Variants in FMN2 observed in about 807,000 individuals in gnomAD.
FMN2 encodes formin 2.
A neutral mutation model predicts 142.3 loss-of-function variants in FMN2; 51 were observed. The ratio of observed to expected loss-of-function variants is 0.36; its 90% confidence interval spans 0.29 to 0.45. The LOEUF (loss-of-function observed/expected upper bound fraction) is 0.45, where lower values mean the gene tolerates loss of function less well. Ranked by LOEUF, FMN2 falls within the 20% of genes least tolerant of loss-of-function variation. The pLI is 1.00. For synonymous variants in FMN2, 882 were observed against 869.8 expected (o/e 1.01, Z -0.25); for missense variants, 1,936 against 2,122.8 (o/e 0.91, Z 1.73).
At chr1:240,280,321 GT>G (rs1669354091) in intron 7 of FMN2, among the ~76,000 whole-genome samples, 1 of 151,910 alleles carries the variant, frequency 6.6e-6, no homozygotes, top group South Asian at 2.1e-4. Context: ...TCTGTTTTAG[GT>G]TTCTTTCAGT....
chr1:240,266,521 T>C lies in FMN2; in HGVS notation c.4153+8489T>C, dbSNP rs116619468. On this transcript the variant is annotated intron_variant, in intron 7 of 17. Coordinates refer to ENST00000319653, the MANE Select transcript of FMN2 (RefSeq NM_020066.5). The stretch of plus-strand genomic sequence containing the variant: ...CTTACATAGCCTCCAGCTGCATCCA[T>C]GTTACTGCAAAGGACATGATTTTGT... Among the ~76,000 whole-genome samples, 292 of 152,190 alleles carry C rather than the reference T, an allele frequency of 1.9e-3. 1 individual carries two copies. Among genetic ancestry groups the C allele is most frequent in the African/African-American group, 6.8e-3 (281 of 41,548 alleles).
At chr1:240,305,864 T>A (rs1670370875) in intron 8 of FMN2, among the ~76,000 whole-genome samples, 1 of 152,178 alleles carries the variant, frequency 6.6e-6, no homozygotes, top group South Asian at 2.1e-4. Flanking sequence ...GCATCATTAT[T>A]GTAATAGGAT....
At chr1:240,278,183 C>T (rs146147758) in intron 7 of FMN2, among the ~76,000 whole-genome samples, 10 of 152,250 alleles carry the variant, frequency 6.6e-5, no homozygotes, top group Non-Finnish European at 1.0e-4. Context: ...GCATTTGGGG[C>T]TCCTGGCCTC....
At chr1:240,384,984 A>G (rs1159098225) in intron 14 of FMN2, among the ~76,000 whole-genome samples, 1 of 152,220 alleles carries the variant, frequency 6.6e-6, no homozygotes, top group Non-Finnish European at 1.5e-5. Flanking sequence ...CTTAAAGGAA[A>G]AAACTATGTA....
intron 16 of FMN2, among the ~76,000 whole-genome samples, chr1:240,470,677 G>C (rs1489446919): frequency 6.6e-6 from 1 of 151,988 alleles, no homozygotes; most frequent in Admixed American, 6.6e-5. Context: ...CAGGAAATTA[G>C]GCTATAAGGT....
Position 240,475,103 on chromosome 1 carries a change from T to G in FMN2, c.*949T>G, listed in dbSNP as rs1414579611. On this transcript the variant is annotated 3_prime_UTR_variant, in exon 18 of 18. Transcript: ENST00000319653. ...AAAGATCGCTATGTGCAATACTGTA[T>G]TTAGTGTTTCTATTTCAATTTTTCT... 1 of 152,572 alleles carries G rather than the reference T, an allele frequency of 6.6e-6. No homozygotes were observed. The highest frequency in any genetic ancestry group is 1.9e-4 in the East Asian group (1 of 5,198). 9.5% of individuals were successfully genotyped at this position (152,572 alleles called of 1,614,324 possible). A position where few individuals can be genotyped will look rare whatever the true frequency, so the allele number is the denominator to read the frequency against.
chr1:240,097,378 CAG>C (rs1661239034), intron 1 of FMN2, among the ~76,000 whole-genome samples: 1 of 143,858 alleles, frequency 7.0e-6, no homozygotes, highest in Admixed American at 7.1e-5. Flanking sequence ...TTTTTTGAGA[CAG>C]AGTCTCGCTC....
chr1:240,439,988 T>A (rs141989833), intron 16 of FMN2, among the ~76,000 whole-genome samples: 1 of 152,256 alleles, frequency 6.6e-6, no homozygotes, highest in Non-Finnish European at 1.5e-5. Flanking sequence ...GTGTTTCCCC[T>A]TGCGCGATTA....
intron 3 of FMN2, among the ~76,000 whole-genome samples, chr1:240,186,385 A>G (rs1344491603): frequency 6.6e-6 from 1 of 152,118 alleles, no homozygotes; most frequent in African/African-American, 2.4e-5. Flanking sequence ...TGGGGGACAC[A>G]ACAAGAGGAA....
intron 7 of FMN2, among the ~76,000 whole-genome samples, chr1:240,272,949 G>A (rs1299743499): frequency 6.6e-6 from 1 of 152,086 alleles, no homozygotes; most frequent in East Asian, 1.9e-4. Flanking sequence ...TGTATAGAAA[G>A]GCCTATAATG....
intron 2 of FMN2, among the ~76,000 whole-genome samples, chr1:240,173,140 TG>T (rs1428239797): frequency 6.6e-6 from 1 of 152,120 alleles, no homozygotes; most frequent in African/African-American, 2.4e-5. Flanking sequence ...TTCAACATGT[TG>T]GCCAGGCTGG....
intron 1 of FMN2, among the ~76,000 whole-genome samples, chr1:240,097,146 T>A (rs1330076212): frequency 1.3e-5 from 2 of 151,994 alleles, no homozygotes; most frequent in South Asian, 2.1e-4. Context: ...TCTTTTTTTT[T>A]AAACACATGG....
chr1:240,450,765 C>T (rs966298043), intron 16 of FMN2, among the ~76,000 whole-genome samples: 1 of 152,224 alleles, frequency 6.6e-6, no homozygotes, highest in Non-Finnish European at 1.5e-5. Flanking sequence ...TGATTTAAAA[C>T]TTGATGCTGA....
chr1:240,331,251 T>A (rs1220592609), intron 11 of FMN2, among the ~76,000 whole-genome samples: 1 of 152,174 alleles, frequency 6.6e-6, no homozygotes. Flanking sequence ...CATATGATTT[T>A]CTCCTTGATA....
At chr1:240,425,270 G>A (rs1674900456) in intron 15 of FMN2, among the ~76,000 whole-genome samples, 2 of 151,162 alleles carry the variant, frequency 1.3e-5, no homozygotes, top group Non-Finnish European at 2.9e-5. Context: ...ATTCCAGGCA[G>A]ATGAAAAACA....
chr1:240,147,311 C>T (rs1044471385), intron 2 of FMN2, among the ~76,000 whole-genome samples: 4 of 152,166 alleles, frequency 2.6e-5, no homozygotes, highest in Non-Finnish European at 4.4e-5. Context: ...CGAAGGCTGA[C>T]TCTACATCTT....
Position 240,208,114 on chromosome 1 carries a change from C to A in FMN2, c.3302C>A (p.Pro1101His). The A allele has an allele frequency of 8.4e-7, 1 of 1,189,030 alleles. No homozygotes were observed. The highest frequency in any genetic ancestry group is 1.2e-6 in the Non-Finnish European group (1 of 840,848). 73.7% of individuals were successfully genotyped at this position (1,189,030 alleles called of 1,614,324 possible). A position where few individuals can be genotyped will look rare whatever the true frequency, so the allele number is the denominator to read the frequency against. Residue 1101 changes from proline (P) to histidine (H), a missense_variant, in exon 5 of 18, where the codon CCT becomes CAT. Pro to His is a moderately conservative substitution (Grantham distance 77). Around this residue, in one of 8 missense-constraint regions of FMN2, gnomAD observed 56 missense variants for 111.8 expected, o/e 0.50. Coordinates refer to ENST00000319653, the MANE Select transcript of FMN2 (RefSeq NM_020066.5). ...GGAGCGGGCATACCCCCTCCGCCCC[C>A]TCTACCCGGAGTGGGCATACCTCCT... ...LPGAGIPPPPPLPGVGIPPPP... is the reference protein window; with the variant it reads ...LPGAGIPPPPHLPGVGIPPPP...
chr1:240,114,075 A>T (rs906522793), intron 1 of FMN2, among the ~76,000 whole-genome samples: 2 of 152,208 alleles, frequency 1.3e-5, no homozygotes, highest in Non-Finnish European at 2.9e-5. Context: ...TTCAGTAATC[A>T]TCAATATTTT....
At chr1:240,374,274 C>T (rs529460579) in intron 14 of FMN2, among the ~76,000 whole-genome samples, 3 of 152,292 alleles carry the variant, frequency 2.0e-5, no homozygotes, top group East Asian at 3.9e-4. Flanking sequence ...AATGATCAAT[C>T]AGCACTCACT....
Sources: allele counts gnomAD v4.1 joint callset (sites outside exome capture counted in the v4.1 genomes callset), GRCh38; gene constraint gnomAD v4.1.1; regional missense constraint gnomAD v4.1.1; transcripts MANE v1.5; gene names NCBI Gene and HGNC (gene_info 2026-07-23, HGNC 2026-07-21).